TMBIM4: variants seen among roughly 807,000 people sequenced by gnomAD.
The protein encoded by TMBIM4 is protein lifeguard 4.
A neutral mutation model predicts 27.7 loss-of-function variants in TMBIM4; 28 were observed. The observed-to-expected ratio is 1.01, with a 90% confidence interval of 0.75 to 1.38. TMBIM4 has a LOEUF of 1.38. Among genes scored for constraint, TMBIM4 ranks in the 40% most tolerant of loss-of-function variants. The probability of loss-of-function intolerance (pLI) is 0.00; values close to 1 mark genes in which losing one functional copy is unlikely to be tolerated. For synonymous variants in TMBIM4, 115 were observed against 113.1 expected (o/e 1.02, Z -0.11); for missense variants, 265 against 277.5 (o/e 0.95, Z 0.32).
chr12:66,160,535 AC>A (rs1297055198), intron 1 of TMBIM4, among the ~76,000 whole-genome samples: 2 of 152,222 alleles, frequency 1.3e-5, no homozygotes, highest in South Asian at 4.1e-4. Context: ...TGCAGAATAA[AC>A]TAGCTTAACA....
intron 1 of TMBIM4, among the ~76,000 whole-genome samples, chr12:66,162,524 G>A (rs183707778): frequency 1.6e-4 from 24 of 152,208 alleles, no homozygotes; most frequent in African/African-American, 5.3e-4. Context: ...AATCACAGTC[G>A]AGGGGCCGGG....
intron 1 of TMBIM4, chr12:66,169,373 C>A: frequency 1.6e-6 from 1 of 638,300 alleles, no homozygotes. Context: ...GGAAATAGTG[C>A]CGTCAGGGAG....
In TMBIM4 at chr12:66,137,811, T is replaced by G. The variant is rs548289707; in HGVS notation, c.*149A>C. 31 of 627,814 alleles carry G rather than the reference T, an allele frequency of 4.9e-5. No homozygotes were observed. In the African/African-American group the frequency reaches 5.7e-4, roughly 12 times the overall value. 38.9% of individuals were successfully genotyped at this position (627,814 alleles called of 1,614,324 possible). A position where few individuals can be genotyped will look rare whatever the true frequency, so the allele number is the denominator to read the frequency against. On this transcript the variant is annotated 3_prime_UTR_variant, in exon 7 of 7. Coordinates refer to ENST00000358230, the MANE Select transcript of TMBIM4 (RefSeq NM_016056.4). ...TTAAAGCTCTCAAAATTACATATGA[T>G]ACAAATAAAGATTGTAACAGTATTT...
chr12:66,138,951 A>G, intron 5 of TMBIM4, 182 bp from the exon 6 acceptor site: 1 of 882,512 alleles, frequency 1.1e-6, no homozygotes, highest in Non-Finnish European at 1.5e-6. Context: ...TTTTAAAGAA[A>G]TTGAAAGAAC....
intron 3 of TMBIM4, 30 bp from the exon 4 acceptor site, chr12:66,147,971 G>T: frequency 6.3e-7 from 1 of 1,596,030 alleles, no homozygotes; most frequent in Non-Finnish European, 8.6e-7. Context: ...ATTAGTGACT[G>T]TAAAATTTAT....
chr12:66,144,439 C>G (rs995240007), intron 5 of TMBIM4, among the ~76,000 whole-genome samples: 1 of 152,114 alleles, frequency 6.6e-6, no homozygotes, highest in Non-Finnish European at 1.5e-5. Flanking sequence ...TGCCCAACTA[C>G]AAGAAAAGTC....
intron 1 of TMBIM4, among the ~76,000 whole-genome samples, chr12:66,155,342 GA>G (rs2051915723): frequency 6.7e-6 from 1 of 150,126 alleles, no homozygotes; most frequent in Non-Finnish European, 1.5e-5. Flanking sequence ...GTGTGAGAGA[GA>G]GAGAGAGAGA....
chr12:66,138,271 T>G lies in TMBIM4; in HGVS notation c.511-105A>C, dbSNP rs141855174. ...TACTGCTACATTATACATTTGACAA[T>G]GGTGTACAACTTTGAATACAAATGT... On this transcript the variant is annotated intron_variant, in intron 6 of 6. Coordinates refer to ENST00000358230, the MANE Select transcript of TMBIM4 (RefSeq NM_016056.4). 3.8e-4 allele frequency: 559 copies of G among 1,472,752 alleles called. No homozygotes were observed. In the African/African-American group the frequency reaches 7.5e-3, roughly 20 times the overall value. The allele number at this position is 1,472,752 out of a possible 1,614,324, so 91.2% of individuals were successfully genotyped here. A position where few individuals can be genotyped will look rare whatever the true frequency, so the allele number is the denominator to read the frequency against.
intron 1 of TMBIM4, among the ~76,000 whole-genome samples, chr12:66,167,372 ACTC>A (rs1265737892): frequency 6.6e-6 from 1 of 152,098 alleles, no homozygotes; most frequent in Admixed American, 6.5e-5. Flanking sequence ...GTATATAAGA[ACTC>A]TGTTCTTTCT....
At chr12:66,160,273 A>G (rs1201965185) in intron 1 of TMBIM4, 1 of 702,858 alleles carries the variant, frequency 1.4e-6, no homozygotes, top group African/African-American at 1.7e-5. Context: ...ATCCTCATAT[A>G]TTGTTTGCTG....
chr12:66,169,548 G>A, intron 1 of TMBIM4: 1 of 478,656 alleles, frequency 2.1e-6, no homozygotes, highest in Non-Finnish European at 3.7e-6. Flanking sequence ...TTCAGGCTGC[G>A]GCGGTTTCCA....
At chr12:66,153,542 C>A in intron 1 of TMBIM4, 94 bp from the exon 2 acceptor site, 2 of 622,102 alleles carry the variant, frequency 3.2e-6, no homozygotes, top group Non-Finnish European at 5.3e-6. Flanking sequence ...GTTTTTTACA[C>A]GTATTCTTTC....
chr12:66,164,779 T>C (rs552029803), intron 1 of TMBIM4, among the ~76,000 whole-genome samples: 1 of 152,290 alleles, frequency 6.6e-6, no homozygotes, highest in Admixed American at 6.5e-5. Flanking sequence ...GGCATCCATA[T>C]TGGAAAGAAA....
intron 1 of TMBIM4, among the ~76,000 whole-genome samples, chr12:66,167,734 C>T (rs971090375): frequency 2.6e-5 from 4 of 152,200 alleles, no homozygotes; most frequent in African/African-American, 9.6e-5. Context: ...AACTACCACA[C>T]AATCCAGCAA....
intron 3 of TMBIM4, among the ~76,000 whole-genome samples, chr12:66,151,036 A>T (rs1389782970): frequency 6.6e-6 from 1 of 152,196 alleles, no homozygotes; most frequent in African/African-American, 2.4e-5. Context: ...GTTATTTGCA[A>T]TAACTTGAGT....
At chr12:66,156,893 T>C (rs2051945497) in intron 1 of TMBIM4, among the ~76,000 whole-genome samples, 2 of 152,288 alleles carry the variant, frequency 1.3e-5, no homozygotes, top group East Asian at 1.9e-4. Flanking sequence ...AAAAGAATGA[T>C]GCAAAAGTGG....
At chr12:66,140,215 A>G (rs984510260) in intron 5 of TMBIM4, among the ~76,000 whole-genome samples, 8 of 152,228 alleles carry the variant, frequency 5.3e-5, no homozygotes, top group African/African-American at 1.9e-4. Context: ...GAATGCATAG[A>G]CAATGACATT....
chr12:66,169,711 C>A, intron 1 of TMBIM4, 144 bp downstream of exon 1: 1 of 578,288 alleles, frequency 1.7e-6, no homozygotes, highest in Non-Finnish European at 2.8e-6. Flanking sequence ...CTCTGGTACC[C>A]GGAGAAGGAG....
chr12:66,162,546 T>C (rs1223745228), intron 1 of TMBIM4, among the ~76,000 whole-genome samples: 1 of 152,212 alleles, frequency 6.6e-6, no homozygotes, highest in Non-Finnish European at 1.5e-5. Context: ...GAAAACTCAT[T>C]TGGGGTGAAT....
Sources: allele counts gnomAD v4.1 joint callset (sites outside exome capture counted in the v4.1 genomes callset), GRCh38; gene constraint gnomAD v4.1.1; transcripts MANE v1.5; gene names NCBI Gene and HGNC (gene_info 2026-07-23, HGNC 2026-07-21).